The following WWOX variants were observed in gnomAD, a reference collection of about 807,000 sequenced individuals.
WWOX encodes the protein WW domain-containing oxidoreductase.
WWOX carries 69 observed loss-of-function variants against 46.2 expected under a neutral mutation model. That is an observed-to-expected ratio of 1.49 (90% CI 1.23 to 1.82). The LOEUF (loss-of-function observed/expected upper bound fraction) is 1.82, where lower values mean the gene tolerates loss of function less well. WWOX is among the 40% of genes most tolerant of loss of function. The probability of loss-of-function intolerance (pLI) is 0.00; values close to 1 mark genes in which losing one functional copy is unlikely to be tolerated. For missense variants in WWOX, 919 were observed against 542.6 expected, an observed-to-expected ratio of 1.69 and a Z score of -6.89; for synonymous variants, 359 against 202.6, an observed-to-expected ratio of 1.77 and a Z score of -6.56.
chr16:78,953,763 C>T (rs976494582), intron 8 of WWOX, among the ~76,000 whole-genome samples: 4 of 152,290 alleles, frequency 2.6e-5, no homozygotes, highest in Admixed American at 1.3e-4. Flanking sequence ...GTTTCAAAGT[C>T]GAGCCAGACG....
At chr16:78,557,855 C>T (rs1490534937) in intron 8 of WWOX, among the ~76,000 whole-genome samples, 2 of 151,960 alleles carry the variant, frequency 1.3e-5, no homozygotes, top group Admixed American at 6.5e-5. Flanking sequence ...ACCACCATAC[C>T]CAGCTAATTT....
At chr16:78,782,704 A>G (rs2050360702) in intron 8 of WWOX, among the ~76,000 whole-genome samples, 1 of 139,212 alleles carries the variant, frequency 7.2e-6, no homozygotes. Flanking sequence ...AATTGTGATC[A>G]TACTATATAT....
intron 8 of WWOX, among the ~76,000 whole-genome samples, chr16:78,739,770 C>T (rs1010049836): frequency 2.0e-5 from 3 of 152,122 alleles, no homozygotes; most frequent in Non-Finnish European, 4.4e-5. Context: ...GAGATCGTAC[C>T]ATTGCACTCC....
chr16:78,597,171 C>G (rs2045511451), intron 8 of WWOX, among the ~76,000 whole-genome samples: 1 of 152,156 alleles, frequency 6.6e-6, no homozygotes, highest in Admixed American at 6.5e-5. Context: ...GGGAAAACAG[C>G]TTAGCAAGCA....
chr16:78,956,792 A>G (rs1196849148), intron 8 of WWOX, among the ~76,000 whole-genome samples: 1 of 152,192 alleles, frequency 6.6e-6, no homozygotes, highest in Non-Finnish European at 1.5e-5. Flanking sequence ...TGTAGGGGAA[A>G]CAAAGAGGGC....
intron 8 of WWOX, among the ~76,000 whole-genome samples, chr16:79,073,338 C>A (rs914179849): frequency 1.3e-5 from 2 of 152,018 alleles, no homozygotes; most frequent in African/African-American, 2.4e-5. Context: ...CGCCGCCATG[C>A]CCGGCTACTT....
chr16:78,246,838 C>G (rs1477029839), intron 5 of WWOX, among the ~76,000 whole-genome samples: 1 of 151,834 alleles, frequency 6.6e-6, no homozygotes, highest in African/African-American at 2.4e-5. Flanking sequence ...AATTGATCAG[C>G]TGATGAGGGG....
At chr16:78,533,947 G>C (rs1191609487) in intron 8 of WWOX, among the ~76,000 whole-genome samples, 2 of 152,214 alleles carry the variant, frequency 1.3e-5, no homozygotes, top group South Asian at 4.1e-4. Flanking sequence ...GCCAGATACA[G>C]AGTAGTAACC....
intron 8 of WWOX, among the ~76,000 whole-genome samples, chr16:78,981,441 AT>A (rs34746206): frequency 0.47 from 68,875 of 146,038 alleles, 15,886 homozygotes; most frequent in Middle Eastern, 0.59. Context: ...ATGAAGCATC[AT>A]TTTTTTTTTT....
At chr16:78,458,058 CA>C (rs11370352) in intron 8 of WWOX, among the ~76,000 whole-genome samples, 2 of 148,298 alleles carry the variant, frequency 1.3e-5, no homozygotes, top group South Asian at 2.1e-4. Context: ...GCCTGGGTGA[CA>C]AAAAAAAAAC....
intron 8 of WWOX, among the ~76,000 whole-genome samples, chr16:78,844,326 A>G (rs913439291): frequency 3.3e-5 from 5 of 152,180 alleles, no homozygotes; most frequent in African/African-American, 9.7e-5. Flanking sequence ...TCCTTTTGAA[A>G]CATGGAGAAA....
At chr16:78,453,877 T>C (rs1385469643) in intron 8 of WWOX, among the ~76,000 whole-genome samples, 2 of 152,190 alleles carry the variant, frequency 1.3e-5, no homozygotes. Context: ...CTGTTTTCTG[T>C]ACATGCCAAG....
At chr16:78,502,950 G>C (rs1183336477) in intron 8 of WWOX, among the ~76,000 whole-genome samples, 1 of 152,192 alleles carries the variant, frequency 6.6e-6, no homozygotes, top group African/African-American at 2.4e-5. Context: ...ATGAGATGCT[G>C]TCTAAGAAAG....
rs74032452 is a variant in WWOX, at chr16:78,958,103, C to G, written c.1057-253505C>G. 4.5e-3 allele frequency among the ~76,000 whole-genome samples: 687 copies of G among 152,174 alleles called. 17 individuals are homozygous for G. In the East Asian group the frequency reaches 0.077, roughly 17 times the overall value. Reference sequence around the variant, plus strand: ...TTGGAATCTGAGCCTTCATATTCTCCGATATATTATTTGGTCCTATTGTTC... The same window carrying G: ...TTGGAATCTGAGCCTTCATATTCTCGGATATATTATTTGGTCCTATTGTTC... On this transcript the variant is annotated intron_variant, in intron 8 of 8. Transcript: ENST00000566780.
At chr16:78,411,754 T>G (rs569799864) in intron 6 of WWOX, among the ~76,000 whole-genome samples, 1 of 152,306 alleles carries the variant, frequency 6.6e-6, no homozygotes, top group East Asian at 1.9e-4. Flanking sequence ...GCTATTGCAG[T>G]GACTACACCT....
chr16:78,857,809 G>T (rs1427314698), intron 8 of WWOX, among the ~76,000 whole-genome samples: 1 of 152,040 alleles, frequency 6.6e-6, no homozygotes, highest in East Asian at 1.9e-4. Flanking sequence ...GTTTATAGGA[G>T]CATAAATTGT....
intron 8 of WWOX, among the ~76,000 whole-genome samples, chr16:78,604,672 C>G (rs1183226144): frequency 1.6e-5 from 1 of 63,874 alleles, no homozygotes; most frequent in Non-Finnish European, 3.0e-5. Context: ...CTTCCTTCCC[C>G]CCTCCCTCCT....
At chr16:78,510,588 A>G (rs1257616642) in intron 8 of WWOX, among the ~76,000 whole-genome samples, 1 of 152,220 alleles carries the variant, frequency 6.6e-6, no homozygotes, top group Non-Finnish European at 1.5e-5. Flanking sequence ...AACTGCAACC[A>G]TAATTTAGCT....
Position 78,386,826 on chromosome 16 carries a change from A to G in WWOX, c.517-34A>G, listed in dbSNP as rs1009298747. On this transcript the variant is annotated intron_variant, in intron 5 of 8. Transcript: ENST00000566780. ...GATACCATGAACTACACTTGCTGTT[A>G]TTTATCATTTCTTTTTATTTTCTCT... The G allele has an allele frequency of 3.2e-6, 5 of 1,578,690 alleles. No homozygotes were observed. The African/African-American group carries it at 4.0e-5, about 13-fold the overall frequency.
Sources: allele counts gnomAD v4.1 joint callset (sites outside exome capture counted in the v4.1 genomes callset), GRCh38; gene constraint gnomAD v4.1.1; transcripts MANE v1.5; gene names NCBI Gene and HGNC (gene_info 2026-07-23, HGNC 2026-07-21).